The following CAPRIN1 variants were observed in gnomAD, a reference collection of about 807,000 sequenced individuals.
The protein encoded by CAPRIN1 is caprin-1.
A neutral mutation model predicts 100.9 loss-of-function variants in CAPRIN1; 29 were observed. The ratio of observed to expected loss-of-function variants is 0.29; its 90% confidence interval spans 0.21 to 0.39. The LOEUF is 0.39. Ranked by LOEUF, CAPRIN1 falls within the 10% of genes least tolerant of loss-of-function variation. CAPRIN1 has a pLI of 1.00. For synonymous variants in CAPRIN1, 338 were observed against 307.5 expected (o/e 1.10, Z -1.04); for missense variants, 795 against 876.7 (o/e 0.91, Z 1.18).
intron 2 of CAPRIN1, among the ~76,000 whole-genome samples, chr11:34,060,959 A>G (rs1044992742): frequency 6.6e-6 from 1 of 152,174 alleles, no homozygotes; most frequent in African/African-American, 2.4e-5. Flanking sequence ...AGACTTTTTA[A>G]GAATATAGTT....
At chr11:34,053,398 A>AT (rs1303142924) in intron 2 of CAPRIN1, 1 of 153,240 alleles carries the variant, frequency 6.5e-6, no homozygotes, top group Non-Finnish European at 1.4e-5. Flanking sequence ...CACGATTTAG[A>AT]TTCGTTGGGG....
At position 34,071,746 on chromosome 11, in the gene CAPRIN1, G is replaced by A; in HGVS notation, c.237G>A (p.Gln79=). Residue 79 remains glutamine, a synonymous_variant, in exon 3 of 19, where the codon CAG becomes CAA. Coordinates refer to ENST00000341394, the MANE Select transcript of CAPRIN1 (RefSeq NM_005898.5). The part of the protein sequence containing the change: ...EKKKGKLDDY[Q]ERMNKGERLN... ...CATAGGGTAAGCTTGATGATTACCA[G>A]GAACGAATGAACAAAGGGGAAAGGC... 1 of 1,612,196 alleles carries A rather than the reference G, an allele frequency of 6.2e-7. No homozygotes were observed. The highest frequency in any genetic ancestry group is 1.1e-5 in the South Asian group (1 of 91,026).
intron 18 of CAPRIN1, chr11:34,098,985 T>C: frequency 8.3e-7 from 1 of 1,203,746 alleles, no homozygotes; most frequent in Non-Finnish European, 1.0e-6. Context: ...TCTTCTCTGC[T>C]GTATCTATTC....
At chr11:34,057,754 C>A (rs1373474588) in intron 2 of CAPRIN1, among the ~76,000 whole-genome samples, 1 of 152,052 alleles carries the variant, frequency 6.6e-6, no homozygotes, top group Non-Finnish European at 1.5e-5. Context: ...GTTTTGCTCT[C>A]GTTGCCCAGG....
intron 4 of CAPRIN1, among the ~76,000 whole-genome samples, chr11:34,074,710 C>T (rs1305869312): frequency 6.6e-6 from 1 of 152,212 alleles, no homozygotes; most frequent in Non-Finnish European, 1.5e-5. Context: ...TAGTGAAACC[C>T]TGTCTCTGCT....
At chr11:34,053,696 C>G (rs139928093) in intron 2 of CAPRIN1, 3 of 152,052 alleles carry the variant, frequency 2.0e-5, no homozygotes, top group African/African-American at 4.8e-5. Context: ...GCAAGTCAGC[C>G]TTTTGTTTTA....
intron 2 of CAPRIN1, chr11:34,063,107 G>A (rs1180300709): frequency 6.6e-6 from 1 of 152,154 alleles, no homozygotes; most frequent in East Asian, 1.9e-4. Flanking sequence ...CACCCTAATG[G>A]CACCTACTGA....
chr11:34,095,259 C>G (rs1177422094), intron 15 of CAPRIN1, among the ~76,000 whole-genome samples: 3 of 151,790 alleles, frequency 2.0e-5, no homozygotes, highest in Non-Finnish European at 2.9e-5. Flanking sequence ...TAAAATGATT[C>G]TAAAATTCAG....
intron 6 of CAPRIN1, among the ~76,000 whole-genome samples, chr11:34,077,393 G>T (rs1419172824): frequency 6.6e-5 from 10 of 152,170 alleles, no homozygotes; most frequent in Admixed American, 5.2e-4. Context: ...TCTTTAGTTT[G>T]TCTTAGACAT....
Position 34,076,307 on chromosome 11 carries a change from A to G in CAPRIN1, c.438A>G (p.Leu146=). The G allele has an allele frequency of 3.1e-6, 5 of 1,614,232 alleles. No homozygotes were observed. Among genetic ancestry groups the G allele is most frequent in the African/African-American group, 1.3e-5 (1 of 75,070 alleles). ...LMREEAEQKR[L]KTVLELQYVL... is the part of the protein sequence containing the mutation. ...GAGAAGAAGCTGAACAGAAACGTTT[A>G]AAAACTGTACTTGAGCTACAGTATG... Residue 146 remains leucine (L), a synonymous_variant, in exon 5 of 19, where the codon TTA becomes TTG. Transcript: ENST00000341394.
chr11:34,068,161 C>G (rs1036253242), intron 2 of CAPRIN1, among the ~76,000 whole-genome samples: 2 of 152,170 alleles, frequency 1.3e-5, no homozygotes, highest in South Asian at 2.1e-4. Context: ...GATTGCTGAT[C>G]AGAAGCAAGA....
rs1851419856 is a variant in CAPRIN1, at chr11:34,099,451, T to C, written c.*84T>C. 8.7e-7 allele frequency: 1 copy of C among 1,148,446 alleles called. No individual in the cohort carries two copies. Among genetic ancestry groups the C allele is most frequent in the Non-Finnish European group, 1.3e-6 (1 of 766,084 alleles). The allele number at this position is 1,148,446 out of a possible 1,614,324, so 71.1% of individuals were successfully genotyped here. A position where few individuals can be genotyped will look rare whatever the true frequency, so the allele number is the denominator to read the frequency against. On this transcript the variant is annotated 3_prime_UTR_variant, in exon 19 of 19. Transcript: ENST00000341394. ...TGTTACCAGAAGAGTTATTATCTATTTGTTCTCCCTTTCAGGAAACTTATT... is the reference window on the plus strand; with the variant it reads ...TGTTACCAGAAGAGTTATTATCTATCTGTTCTCCCTTTCAGGAAACTTATT...
Position 34,089,437 on chromosome 11 carries a change from TACAA to T in CAPRIN1, c.1275_1278del (p.Pro427LysfsTer46). Reference sequence around the variant, plus strand: ...CTTGCTCAGCCTAATCAAGTTCCTGTACAACCAGAAGCGACACAGGTAAGAGTGA... The same window carrying T: ...CTTGCTCAGCCTAATCAAGTTCCTGTCCAGAAGCGACACAGGTAAGAGTGA... On this transcript the variant is annotated frameshift_variant, in exon 12 of 19. Coordinates refer to ENST00000341394, the MANE Select transcript of CAPRIN1 (RefSeq NM_005898.5). LOFTEE classifies it high-confidence loss of function. 6.2e-7 allele frequency: 1 copy of T among 1,606,422 alleles called. No individual in the cohort carries two copies. Among genetic ancestry groups the T allele is most frequent in the Non-Finnish European group, 8.5e-7 (1 of 1,173,974 alleles).
Position 34,052,481 on chromosome 11 carries a change from T to G in CAPRIN1, c.61T>G (p.Ser21Ala), listed in dbSNP as rs1850343085. 1 of 1,606,984 alleles carries G rather than the reference T, an allele frequency of 6.2e-7. No homozygotes were observed. Among genetic ancestry groups the G allele is most frequent in the African/African-American group, 1.3e-5 (1 of 74,386 alleles). ...GSKSSGPPPP[S>A]GSSGSEAAAG... ...CAAGTCGTCCGGACCGCCACCGCCG[T>G]CGGGTTCCTCCGGGAGTGAGGCGGC... The change falls in exon 2 of 19, where the codon TCG becomes GCG. Residue 21 changes from serine to alanine, a missense_variant. Ser to Ala is a moderately conservative substitution (Grantham distance 99). Around this residue, in one of 3 missense-constraint regions of CAPRIN1, gnomAD observed 109 missense variants for 86.6 expected, o/e 1.26. Coordinates refer to ENST00000341394, the MANE Select transcript of CAPRIN1 (RefSeq NM_005898.5).
intron 2 of CAPRIN1, among the ~76,000 whole-genome samples, chr11:34,058,730 G>GTA (rs2134085183): frequency 6.6e-6 from 1 of 152,254 alleles, no homozygotes; most frequent in Non-Finnish European, 1.5e-5. Flanking sequence ...CATCCATATT[G>GTA]TAATGAAATA....
At position 34,052,380 on chromosome 11, in the gene CAPRIN1, C is replaced by T. The variant is rs183851143; in HGVS notation, c.1-41C>T. 13,876 of 1,538,306 alleles carry T rather than the reference C, an allele frequency of 9.0e-3. 80 individuals are homozygous for T. The highest frequency in any genetic ancestry group is 0.013 in the Middle Eastern group (56 of 4,270). The stretch of plus-strand genomic sequence containing the variant: ...CCGTCTCCTGACTGGCCGCTCTTGT[C>T]CTTCCTCCCGCTTTTTCTTCTCTCT... On this transcript the variant is annotated intron_variant, in intron 1 of 18. Transcript: ENST00000341394.
rs1851464050 is a variant in CAPRIN1 at position 34,102,202 on chromosome 11, G to T, written c.*2835G>T. On this transcript the variant is annotated 3_prime_UTR_variant, in exon 19 of 19. Coordinates refer to ENST00000341394, the MANE Select transcript of CAPRIN1 (RefSeq NM_005898.5). ...TAGAATGTGTGCTTATTCTCAGAAG[G>T]TTCATTAACTGAGGTGATGAGTTAA... Among the ~76,000 whole-genome samples, 1 of 152,098 alleles carries T rather than the reference G, an allele frequency of 6.6e-6. No individual in the cohort carries two copies. The highest frequency in any genetic ancestry group is 2.1e-4 in the South Asian group (1 of 4,828).
chr11:34,089,380 T>C lies in CAPRIN1; in HGVS notation c.1232-15T>C. On this transcript the variant is annotated splice_polypyrimidine_tract_variant and intron_variant, in intron 11 of 18. Coordinates refer to ENST00000341394, the MANE Select transcript of CAPRIN1 (RefSeq NM_005898.5). ...TTAATTTTGTTTGACAAAAATGTTT[T>C]GGTCACCTTTGCAGTTCATTCTGAA... is the stretch of plus-strand genomic sequence containing the variant. 6.4e-7 allele frequency: 1 copy of C among 1,571,942 alleles called. No homozygotes were observed. Among genetic ancestry groups the C allele is most frequent in the Non-Finnish European group, 8.7e-7 (1 of 1,152,830 alleles).
At chr11:34,082,701 T>G in intron 7 of CAPRIN1, 124 bp from the exon 8 acceptor site, 1 of 696,546 alleles carries the variant, frequency 1.4e-6, no homozygotes. Context: ...TTTACTCTTA[T>G]TGTTAATAAT....
Sources: allele counts gnomAD v4.1 joint callset (sites outside exome capture counted in the v4.1 genomes callset), GRCh38; gene constraint gnomAD v4.1.1; regional missense constraint gnomAD v4.1.1; transcripts MANE v1.5; gene names NCBI Gene and HGNC (gene_info 2026-07-23, HGNC 2026-07-21).